The following NT5DC1 variants were observed in gnomAD, a reference collection of about 807,000 sequenced individuals.
The protein encoded by NT5DC1 is 5'-nucleotidase domain-containing protein 1.
NT5DC1 carries 42 observed loss-of-function variants against 59.4 expected under a neutral mutation model. The observed-to-expected ratio is 0.71, with a 90% CI of 0.55 to 0.92. NT5DC1 has a LOEUF of 0.92. Ranked by LOEUF, NT5DC1 falls within the 40% of genes least tolerant of loss-of-function variation. The pLI is 0.00. For missense variants in NT5DC1, 501 were observed against 537.1 expected (o/e 0.93, Z 0.66); for synonymous variants, 172 against 188.1 (o/e 0.91, Z 0.70).
chr6:116,208,113 A>G (rs1781496124), intron 6 of NT5DC1, among the ~76,000 whole-genome samples: 2 of 151,946 alleles, frequency 1.3e-5, no homozygotes, highest in African/African-American at 4.8e-5. Flanking sequence ...AATGACCCCT[A>G]ATATCTAGCT....
intron 6 of NT5DC1, among the ~76,000 whole-genome samples, chr6:116,126,622 C>T (rs998931606): frequency 6.6e-6 from 1 of 151,656 alleles, no homozygotes; most frequent in Non-Finnish European, 1.5e-5. Context: ...AATAGCTGAC[C>T]CCAATTCTTA....
intron 6 of NT5DC1, among the ~76,000 whole-genome samples, chr6:116,189,992 G>A (rs1485451777): frequency 6.6e-6 from 1 of 151,974 alleles, no homozygotes; most frequent in South Asian, 2.1e-4. Context: ...GCACAATAAT[G>A]ATATAATGGA....
In NT5DC1 at chr6:116,239,120, G is replaced by T. The variant is rs780505600; in HGVS notation, c.1249G>T (p.Ala417Ser). The T allele has an allele frequency of 2.6e-5, 42 of 1,606,170 alleles. No individual in the cohort carries two copies. The highest frequency in any genetic ancestry group is 3.4e-5 in the Non-Finnish European group (40 of 1,174,876). ...TIAIPSIEAI[A>S]ELPLDYKFTR... The stretch of plus-strand genomic sequence containing the variant: ...TGCAATTCCAAGTATTGAAGCAATC[G>T]CAGGTAAGGGGGAAAATACCTATAA... The change falls in exon 11 of 12, where the codon GCA becomes TCA. Residue 417 changes from alanine (A) to serine (S), a missense_variant. Physicochemically the swap from Ala to Ser is moderately conservative, Grantham distance 99. Transcript: ENST00000319550.
Position 116,238,353 on chromosome 6 carries a change from G to A in NT5DC1, c.1083+5G>A, listed in dbSNP as rs1037100258. The A allele has an allele frequency of 4.4e-6, 7 of 1,578,302 alleles. No homozygotes were observed. Among genetic ancestry groups the A allele is most frequent in the Non-Finnish European group, 6.0e-6 (7 of 1,165,362 alleles). On this transcript the variant is annotated splice_donor_5th_base_variant and intron_variant, in intron 10 of 11. Coordinates refer to ENST00000319550, the MANE Select transcript of NT5DC1 (RefSeq NM_152729.3). ...GAGAAGAAAGGAAAATATGAGGTAA[G>A]GGTTCCCTGCAGCTCTTTCCTTGAA...
At chr6:116,114,533 GGGA>G (rs549685448) in intron 4 of NT5DC1, among the ~76,000 whole-genome samples, 19,602 of 81,034 alleles carry the variant, frequency 0.24, 2,717 homozygotes, top group Non-Finnish European at 0.29. Flanking sequence ...GCAAATTGGG[GGGA>G]GGGGGGGGGA....
intron 6 of NT5DC1, among the ~76,000 whole-genome samples, chr6:116,155,052 A>G (rs944201525): frequency 6.6e-6 from 1 of 152,160 alleles, no homozygotes; most frequent in Non-Finnish European, 1.5e-5. Context: ...TTTGACAGGG[A>G]GTATACAGAC....
chr6:116,155,777 G>C (rs544794216), intron 6 of NT5DC1, among the ~76,000 whole-genome samples: 1 of 151,082 alleles, frequency 6.6e-6, no homozygotes, highest in Non-Finnish European at 1.5e-5. Flanking sequence ...AAAAAAGAGG[G>C]AGGAAGTTGT....
rs767781771 is a variant in NT5DC1 at position 116,110,881 on chromosome 6, G to A, written c.289G>A (p.Glu97Lys). 3.1e-6 allele frequency: 5 copies of A among 1,613,944 alleles called. No individual in the cohort carries two copies. Among genetic ancestry groups the A allele is most frequent in the African/African-American group, 1.3e-5 (1 of 74,928 alleles). Reference sequence around the variant, plus strand: ...CCATGGCACCAAGATGATGACTCCAGAGGTGCTGGCAGAGGCATATGGCAA... The same window carrying A: ...CCATGGCACCAAGATGATGACTCCAAAGGTGCTGGCAGAGGCATATGGCAA... ...ASHGTKMMTP[E>K]VLAEAYGKKE... Residue 97 changes from glutamate (E) to lysine (K), a missense_variant, in exon 4 of 12, where the codon GAG becomes AAG. Glu to Lys is a moderately conservative substitution (Grantham distance 56). Transcript: ENST00000319550.
intron 6 of NT5DC1, among the ~76,000 whole-genome samples, chr6:116,211,410 T>C (rs1316978696): frequency 6.6e-6 from 1 of 152,098 alleles, no homozygotes; most frequent in Non-Finnish European, 1.5e-5. Context: ...ATGAATTTTC[T>C]CTAGCAAAAG....
chr6:116,167,516 T>C (rs937179559), intron 6 of NT5DC1, among the ~76,000 whole-genome samples: 3 of 152,150 alleles, frequency 2.0e-5, no homozygotes, highest in Admixed American at 1.3e-4. Flanking sequence ...CCAGCCCACA[T>C]AGAACTTTCT....
At position 116,148,740 on chromosome 6, in the gene NT5DC1, C is replaced by T. The variant is rs368500007; in HGVS notation, c.529+30795C>T. On this transcript the variant is annotated intron_variant, in intron 6 of 11. Transcript: ENST00000319550. ...TCTCTATGAGAGATAAGTAATTGAGCAAAATACTGTTTATTATTCAGATAT... is the reference window on the plus strand; with the variant it reads ...TCTCTATGAGAGATAAGTAATTGAGTAAAATACTGTTTATTATTCAGATAT... Among the ~76,000 whole-genome samples, 38 of 152,080 alleles carry T rather than the reference C, an allele frequency of 2.5e-4. 1 individual carries two copies. The highest frequency in any genetic ancestry group is 3.4e-3 in the Middle Eastern group (1 of 292).
chr6:116,125,294 C>T, intron 6 of NT5DC1: 1 of 1,592,432 alleles, frequency 6.3e-7, no homozygotes, highest in Non-Finnish European at 8.6e-7. Context: ...TTATAGAAAG[C>T]AACAAGCAAC....
intron 6 of NT5DC1, among the ~76,000 whole-genome samples, chr6:116,147,366 C>T (rs1011459647): frequency 9.9e-5 from 15 of 151,770 alleles, no homozygotes; most frequent in African/African-American, 3.1e-4. Context: ...TGCTTGAACC[C>T]GGGAGGCAGA....
chr6:116,112,770 C>T (rs1277571622), intron 4 of NT5DC1, among the ~76,000 whole-genome samples: 2 of 152,174 alleles, frequency 1.3e-5, no homozygotes, highest in African/African-American at 4.8e-5. Flanking sequence ...GGATAAACTC[C>T]TAGAAGTATA....
At chr6:116,199,557 C>T (rs1364710509) in intron 6 of NT5DC1, among the ~76,000 whole-genome samples, 2 of 152,100 alleles carry the variant, frequency 1.3e-5, no homozygotes, top group Middle Eastern at 3.2e-3. Context: ...TAACGCCATT[C>T]TCCAGTATTA....
At chr6:116,133,245 G>T (rs1266340922) in intron 6 of NT5DC1, among the ~76,000 whole-genome samples, 2 of 152,112 alleles carry the variant, frequency 1.3e-5, no homozygotes, top group Non-Finnish European at 2.9e-5. Context: ...AGGGATCTTG[G>T]CTACCCAATG....
rs114909755 is a variant in NT5DC1 at position 116,170,170 on chromosome 6, G to A, written c.530-50884G>A. 8.7e-3 allele frequency among the ~76,000 whole-genome samples: 1,324 copies of A among 152,270 alleles called. 17 individuals carry two copies. Among genetic ancestry groups the A allele is most frequent in the African/African-American group, 0.03 (1,264 of 41,564 alleles). ...GTCTTTATATATAAACATTCTGTCG[G>A]TTTTGCTGTGAAGTGGAGAGACAAA... On this transcript the variant is annotated intron_variant, in intron 6 of 11. Coordinates refer to ENST00000319550, the MANE Select transcript of NT5DC1 (RefSeq NM_152729.3).
intron 6 of NT5DC1, among the ~76,000 whole-genome samples, chr6:116,166,915 G>T (rs1780481848): frequency 6.6e-6 from 1 of 152,100 alleles, no homozygotes; most frequent in Admixed American, 6.5e-5. Flanking sequence ...TTGAGCCAAA[G>T]AATTGAGCCA....
At chr6:116,186,330 A>G (rs992428890) in intron 6 of NT5DC1, among the ~76,000 whole-genome samples, 2 of 150,382 alleles carry the variant, frequency 1.3e-5, no homozygotes, top group Non-Finnish European at 3.0e-5. Flanking sequence ...TTCACTTTAG[A>G]TAACCTGGTG....
Sources: allele counts gnomAD v4.1 joint callset (sites outside exome capture counted in the v4.1 genomes callset), GRCh38; gene constraint gnomAD v4.1.1; transcripts MANE v1.5; gene names NCBI Gene and HGNC (gene_info 2026-07-23, HGNC 2026-07-21).